The following BMAL1 variants were observed in gnomAD, a reference collection of about 807,000 sequenced individuals.
BMAL1 encodes basic helix-loop-helix ARNT-like protein 1.
the BMAL1 span, among the ~76,000 whole-genome samples, chr11:13,281,404 G>A: frequency 3.4e-4 from 52 of 151,986 alleles, no homozygotes; most frequent in Non-Finnish European, 6.2e-4. Flanking sequence ...GGCTTCTCTC[G>A]CTACCACCTT....
the BMAL1 span, among the ~76,000 whole-genome samples, chr11:13,376,367 G>A: frequency 6.6e-6 from 1 of 152,326 alleles, no homozygotes; most frequent in African/African-American, 2.4e-5. Context: ...AGGAGGAGGT[G>A]CTGTAATGAT....
chr11:13,377,528 TC>T, the BMAL1 span, among the ~76,000 whole-genome samples: 1 of 152,122 alleles, frequency 6.6e-6, no homozygotes, highest in African/African-American at 2.4e-5. Context: ...GCAACTCTAG[TC>T]CCCCTCTCCC....
the BMAL1 span, among the ~76,000 whole-genome samples, chr11:13,329,609 C>T: frequency 5.3e-5 from 8 of 152,270 alleles, no homozygotes; most frequent in African/African-American, 1.7e-4. Context: ...TTTCTCTCAG[C>T]GAGAATGTGG....
At chr11:13,322,223 CTTCT>C in the BMAL1 span, among the ~76,000 whole-genome samples, 4 of 152,170 alleles carry the variant, frequency 2.6e-5, no homozygotes, top group African/African-American at 7.2e-5. Flanking sequence ...GGCTTCCTTC[CTTCT>C]GTCTCCAACT....
At chr11:13,381,467 G>A in the BMAL1 span, among the ~76,000 whole-genome samples, 185 of 152,338 alleles carry the variant, frequency 1.2e-3, no homozygotes, top group African/African-American at 4.4e-3. Flanking sequence ...TTCCATGTGA[G>A]TGGAAGAAGG....
chr11:13,332,887 T>G, the BMAL1 span, among the ~76,000 whole-genome samples: 2 of 151,948 alleles, frequency 1.3e-5, no homozygotes, highest in African/African-American at 4.8e-5. Flanking sequence ...GTCACGGTCA[T>G]AGCCCATGGA....
At chr11:13,357,636 G>A in the BMAL1 span, among the ~76,000 whole-genome samples, 2 of 152,198 alleles carry the variant, frequency 1.3e-5, no homozygotes, top group Admixed American at 6.5e-5. The surrounding 1 kb of genome is among the most constrained non-coding windows in gnomAD (Gnocchi z 4.8). Flanking sequence ...CTGAGGCTGC[G>A]TCATGACAGA....
the BMAL1 span, among the ~76,000 whole-genome samples, chr11:13,354,043 C>A: frequency 6.6e-6 from 1 of 152,140 alleles, no homozygotes; most frequent in Non-Finnish European, 1.5e-5. Context: ...GCTTTTATGT[C>A]TTCACCAGAA....
At chr11:13,346,696 G>A in the BMAL1 span, among the ~76,000 whole-genome samples, 4 of 152,170 alleles carry the variant, frequency 2.6e-5, no homozygotes, top group South Asian at 2.1e-4. Context: ...GGCATCTTGC[G>A]CAAGTCCCTC....
the BMAL1 span, among the ~76,000 whole-genome samples, chr11:13,371,817 T>G: frequency 1.3e-5 from 2 of 152,196 alleles, no homozygotes; most frequent in Non-Finnish European, 1.5e-5. Context: ...GTCATCAGCC[T>G]TTATACATTC....
At chr11:13,350,266 C>T in the BMAL1 span, among the ~76,000 whole-genome samples, 6 of 152,190 alleles carry the variant, frequency 3.9e-5, no homozygotes, top group African/African-American at 1.4e-4. Context: ...CTGCATGGCC[C>T]AAGGGGGCCA....
At chr11:13,297,900 C>T in the BMAL1 span, among the ~76,000 whole-genome samples, 1 of 152,186 alleles carries the variant, frequency 6.6e-6, no homozygotes, top group African/African-American at 2.4e-5. Flanking sequence ...AAAGCTGTCT[C>T]CTGCTTCCAA....
the BMAL1 span, among the ~76,000 whole-genome samples, chr11:13,375,257 C>G: frequency 6.6e-6 from 1 of 152,172 alleles, no homozygotes; most frequent in African/African-American, 2.4e-5. Flanking sequence ...TCTATATTGC[C>G]CTTGGGCTTT....
the BMAL1 span, chr11:13,376,400 C>G: frequency 1.9e-6 from 1 of 539,828 alleles, no homozygotes; most frequent in Non-Finnish European, 3.4e-6. Context: ...CTGCAGCCAC[C>G]ACCTCTGCTG....
At chr11:13,362,445 CTT>C in the BMAL1 span, among the ~76,000 whole-genome samples, 195 of 152,332 alleles carry the variant, frequency 1.3e-3, no homozygotes, top group African/African-American at 4.4e-3. Flanking sequence ...CCCTTGGAAT[CTT>C]TGTGTGACTT....
the BMAL1 span, chr11:13,378,496 G>A: frequency 6.4e-7 from 1 of 1,566,760 alleles, no homozygotes; most frequent in Non-Finnish European, 8.7e-7. Flanking sequence ...CTCAACCCAG[G>A]GAAATTTTTT....
At chr11:13,316,059 TTTG>T in the BMAL1 span, among the ~76,000 whole-genome samples, 2 of 152,180 alleles carry the variant, frequency 1.3e-5, no homozygotes, top group South Asian at 4.1e-4. Context: ...TTACAACCCC[TTTG>T]TTGTCCTTCT....
chr11:13,384,980 A>C, the BMAL1 span, among the ~76,000 whole-genome samples: 5,187 of 152,256 alleles, frequency 0.034, 290 homozygotes, highest in African/African-American at 0.12. Context: ...AAATAAAGTA[A>C]GTTATAATGC....
chr11:13,386,690 C>T, the BMAL1 span: 1 of 1,614,160 alleles, frequency 6.2e-7, no homozygotes, highest in Non-Finnish European at 8.5e-7. Context: ...TCATCATGAG[C>T]CTCTTGGAAG....
Sources: allele counts gnomAD v4.1 joint callset (sites outside exome capture counted in the v4.1 genomes callset), GRCh38; gene constraint gnomAD v4.1.1; non-coding constraint Gnocchi (gnomAD v3.1); transcripts MANE v1.5; gene names NCBI Gene and HGNC (gene_info 2026-07-23, HGNC 2026-07-21).